Variants in TENM2 observed in about 807,000 individuals in gnomAD.
The protein encoded by TENM2 is teneurin-2.
TENM2 carries 52 observed loss-of-function variants against 245.2 expected under a neutral mutation model. The observed-to-expected ratio is 0.21, with a 90% CI of 0.17 to 0.27. The LOEUF (loss-of-function observed/expected upper bound fraction) is 0.27, where lower values mean the gene tolerates loss of function less well. TENM2 is among the 10% of genes least tolerant of loss of function. The pLI is 1.00. For synonymous variants in TENM2, 1,363 were observed against 1,438.9 expected, an observed-to-expected ratio of 0.95 and a Z score of 1.19; for missense variants, 3,046 against 3,666.8, an observed-to-expected ratio of 0.83 and a Z score of 4.37.
intron 2 of TENM2, among the ~76,000 whole-genome samples, chr5:167,682,658 T>C (rs1756811293): frequency 1.3e-5 from 2 of 152,140 alleles, no homozygotes; most frequent in Admixed American, 1.3e-4. Context: ...ACCGTTCGTA[T>C]TTATATGTAC....
chr5:167,899,964 G>A (rs1473787499), intron 3 of TENM2, among the ~76,000 whole-genome samples: 1 of 152,048 alleles, frequency 6.6e-6, no homozygotes. Flanking sequence ...TCAATTTAAG[G>A]CTTTTATTCT....
In TENM2 at chr5:168,218,296, G is replaced by A; in HGVS notation, c.4405G>A (p.Ala1469Thr). The stretch of plus-strand genomic sequence containing the variant: ...CATTGACTACTCACTCAGCAAACTA[G>A]CCATTCACTCTGCCCTGGAGTCAGC... The change falls in exon 23 of 29, where the codon GCC (alanine) becomes ACC (threonine). Residue 1469 changes from alanine (A) to threonine (T), a missense_variant. Transcript: ENST00000518659. The surrounding 1 kb of genome is among the most constrained non-coding windows in gnomAD (Gnocchi z 5.2). The A allele has an allele frequency of 6.2e-7, 1 of 1,613,834 alleles. No homozygotes were observed. The highest frequency in any genetic ancestry group is 1.1e-5 in the South Asian group (1 of 91,070).
At chr5:167,357,538 A>T (rs1020712706) in intron 1 of TENM2, among the ~76,000 whole-genome samples, 2 of 151,822 alleles carry the variant, frequency 1.3e-5, no homozygotes, top group African/African-American at 4.8e-5. Context: ...GGGATTACAG[A>T]TGTGAGCCAC....
rs913658405 is a variant in TENM2 at position 168,155,935 on chromosome 5, G to C, written c.2423-6676G>C. On this transcript the variant is annotated intron_variant, in intron 12 of 28. Transcript: ENST00000518659. ...AAAAAAAAAAAAAAATTGTAAGTACGGTCTTGTGACCATCCCTAAATTATT... is the reference window on the plus strand; with the variant it reads ...AAAAAAAAAAAAAAATTGTAAGTACCGTCTTGTGACCATCCCTAAATTATT... Among the ~76,000 whole-genome samples, 6 of 143,244 alleles carry C rather than the reference G, an allele frequency of 4.2e-5. No homozygotes were observed. In the Admixed American group the frequency reaches 4.2e-4, roughly 10 times the overall value. The allele number at this position is 143,244 out of a possible 152,430, so 94.0% of individuals were successfully genotyped here.
chr5:167,971,907 C>T (rs1002043682), intron 4 of TENM2, among the ~76,000 whole-genome samples: 6 of 152,202 alleles, frequency 3.9e-5, no homozygotes, highest in African/African-American at 1.2e-4. Flanking sequence ...AACACGCCAG[C>T]GCCTTCCACT....
chr5:167,036,018 C>G, the TENM2 span, among the ~76,000 whole-genome samples: 7 of 152,228 alleles, frequency 4.6e-5, no homozygotes, highest in African/African-American at 1.7e-4. Flanking sequence ...GCTGGGTTTA[C>G]AGGCATGAGC....
At chr5:168,186,930 C>G (rs995809812) in intron 13 of TENM2, 1 of 152,208 alleles carries the variant, frequency 6.6e-6, no homozygotes. Flanking sequence ...TCATGACTGA[C>G]AGGCCACTGG....
chr5:167,515,632 T>C (rs941858091), intron 2 of TENM2, among the ~76,000 whole-genome samples: 6 of 142,802 alleles, frequency 4.2e-5, no homozygotes, highest in South Asian at 2.2e-4. Flanking sequence ...TATATATACA[T>C]ATATATGTAT....
the TENM2 span, among the ~76,000 whole-genome samples, chr5:167,185,143 C>A: frequency 9.9e-5 from 15 of 152,060 alleles, no homozygotes; most frequent in Non-Finnish European, 2.1e-4. Flanking sequence ...CTATCTTTAC[C>A]CTACTGTTTC....
intron 25 of TENM2, among the ~76,000 whole-genome samples, chr5:168,235,812 A>AAG (rs1479708117): frequency 4.0e-5 from 6 of 151,488 alleles, no homozygotes; most frequent in Non-Finnish European, 8.8e-5. Context: ...GCCTCAAAGA[A>AAG]AAAAAAAAGA....
At chr5:167,726,004 G>A (rs972546252) in intron 2 of TENM2, among the ~76,000 whole-genome samples, 2 of 152,158 alleles carry the variant, frequency 1.3e-5, no homozygotes, top group African/African-American at 4.8e-5. Context: ...ACACCTTCTA[G>A]AGGTATCAGA....
At chr5:168,180,492 G>C (rs1381767423) in intron 13 of TENM2, among the ~76,000 whole-genome samples, 2 of 152,212 alleles carry the variant, frequency 1.3e-5, no homozygotes, top group Non-Finnish European at 2.9e-5. Context: ...AACTGTTGTA[G>C]CCCCTCAGCT....
chr5:167,980,094 G>A (rs1019773393), intron 4 of TENM2, among the ~76,000 whole-genome samples: 5 of 152,192 alleles, frequency 3.3e-5, no homozygotes, highest in African/African-American at 1.2e-4. Context: ...TCCAGGGGCT[G>A]GAGATACAAT....
chr5:167,983,946 C>T (rs1783037818), intron 4 of TENM2, among the ~76,000 whole-genome samples: 1 of 152,148 alleles, frequency 6.6e-6, no homozygotes, highest in Admixed American at 6.5e-5. Flanking sequence ...CTAAAATATA[C>T]TATACACGGC....
At chr5:167,172,212 C>A in the TENM2 span, among the ~76,000 whole-genome samples, 1 of 152,082 alleles carries the variant, frequency 6.6e-6, no homozygotes, top group East Asian at 1.9e-4. Context: ...CAAAATAGAC[C>A]ATTTGGAAGA....
chr5:167,266,847 A>G, the TENM2 span, among the ~76,000 whole-genome samples: 2 of 152,206 alleles, frequency 1.3e-5, no homozygotes, highest in African/African-American at 4.8e-5. Flanking sequence ...GGTTCATGAA[A>G]TGTGAATGTG....
At chr5:167,732,526 A>G (rs534059752) in intron 2 of TENM2, among the ~76,000 whole-genome samples, 2 of 152,308 alleles carry the variant, frequency 1.3e-5, no homozygotes, top group East Asian at 3.9e-4. Flanking sequence ...TCTCACTGCC[A>G]AATGGTTGAC....
chr5:167,617,400 A>G (rs1269516090), intron 2 of TENM2, among the ~76,000 whole-genome samples: 1 of 152,214 alleles, frequency 6.6e-6, no homozygotes, highest in African/African-American at 2.4e-5. Flanking sequence ...GGAAGGCTAC[A>G]TGAGAACTCT....
chr5:167,184,301 C>A, the TENM2 span, among the ~76,000 whole-genome samples: 4 of 152,152 alleles, frequency 2.6e-5, no homozygotes, highest in Non-Finnish European at 5.9e-5. Context: ...ATTGCAGCAA[C>A]GGAGCTGTGC....
Sources: gnomAD v4.1 joint callset for allele counts (sites outside exome capture counted in the v4.1 genomes callset) on GRCh38, gnomAD v4.1.1 for gene constraint, Gnocchi (gnomAD v3.1) non-coding constraint, MANE v1.5 for transcripts, NCBI Gene and HGNC (gene_info 2026-07-23, HGNC 2026-07-21) for gene names.